PRKN: variants seen among roughly 807,000 people sequenced by gnomAD.
PRKN encodes parkin RBR E3 ubiquitin protein ligase, also known as E3 ubiquitin-protein ligase parkin.
In PRKN, 56 loss-of-function variants were observed where a neutral mutation model predicts 59.5. The ratio of observed to expected loss-of-function variants is 0.94; its 90% CI spans 0.76 to 1.18. The LOEUF is 1.18. PRKN is among the 50% of genes most tolerant of loss of function. The probability of loss-of-function intolerance (pLI) is 0.00; values close to 1 mark genes in which losing one functional copy is unlikely to be tolerated. For synonymous variants in PRKN, 250 were observed against 222.1 expected (o/e 1.13, Z -1.12); for missense variants, 657 against 596.4 (o/e 1.10, Z -1.06).
chr6:162,555,916 G>A (rs1308445817), intron 1 of PRKN, among the ~76,000 whole-genome samples: 1 of 151,212 alleles, frequency 6.6e-6, no homozygotes, highest in East Asian at 2.0e-4. Flanking sequence ...GCTTGAACCT[G>A]GGAGGTGGAG....
At chr6:162,402,486 C>T (rs1033846025) in intron 2 of PRKN, among the ~76,000 whole-genome samples, 1 of 151,866 alleles carries the variant, frequency 6.6e-6, no homozygotes, top group Admixed American at 6.6e-5. Context: ...CTTGAGGGCT[C>T]TTAGCTTAAT....
At chr6:162,495,879 C>T (rs1793044833) in intron 1 of PRKN, among the ~76,000 whole-genome samples, 1 of 152,166 alleles carries the variant, frequency 6.6e-6, no homozygotes, top group South Asian at 2.1e-4. Context: ...CAACTCCTGC[C>T]CCCTTTCCAT....
chr6:162,500,982 A>G (rs6942202), intron 1 of PRKN, among the ~76,000 whole-genome samples: 77,484 of 151,850 alleles, frequency 0.51, 19,831 homozygotes, highest in Middle Eastern at 0.58. Flanking sequence ...CTTGGGCAAT[A>G]TAGCCAGACC....
In PRKN at chr6:161,483,279, G is replaced by A. The variant is rs953927834; in HGVS notation, c.1083+65575C>T. On this transcript the variant is annotated intron_variant, in intron 9 of 11. Transcript: ENST00000366898. The surrounding 1 kb of genome is among the most constrained non-coding windows in gnomAD (Gnocchi z 5.0). ...TTTCATAGCTATGCATTAATTGACT[G>A]AATTGGCTTTGTATTTCAGGCCAAC... Among the ~76,000 whole-genome samples, 2 of 151,964 alleles carry A rather than the reference G, an allele frequency of 1.3e-5. No individual in the cohort carries two copies. The highest frequency in any genetic ancestry group is 6.6e-5 in the Admixed American group (1 of 15,256).
intron 7 of PRKN, among the ~76,000 whole-genome samples, chr6:161,652,610 T>C (rs1219903200): frequency 6.6e-6 from 1 of 152,246 alleles, no homozygotes; most frequent in African/African-American, 2.4e-5. Context: ...TTTGTTCTTA[T>C]TATTCTAAAA....
chr6:162,135,832 T>C (rs1189946036), intron 4 of PRKN, among the ~76,000 whole-genome samples: 1 of 152,146 alleles, frequency 6.6e-6, no homozygotes, highest in Non-Finnish European at 1.5e-5. Flanking sequence ...AGTAAGGGAC[T>C]CCTTGGGATT....
chr6:161,622,268 G>A (rs972165127), intron 7 of PRKN, among the ~76,000 whole-genome samples: 1 of 152,204 alleles, frequency 6.6e-6, no homozygotes, highest in African/African-American at 2.4e-5. Flanking sequence ...GCTTAGGGCT[G>A]TGTAGCCTCT....
At chr6:162,392,681 C>T (rs572346872) in intron 2 of PRKN, among the ~76,000 whole-genome samples, 35 of 152,286 alleles carry the variant, frequency 2.3e-4, no homozygotes, top group African/African-American at 8.4e-4. Context: ...GCCACTATTT[C>T]TAAGTCTTTA....
rs1790147980 is a variant in PRKN at position 161,460,365 on chromosome 6, C to G, written c.1084-73488G>C. 6.6e-6 allele frequency among the ~76,000 whole-genome samples: 1 copy of G among 152,138 alleles called. No individual in the cohort carries two copies. The highest frequency in any genetic ancestry group is 2.1e-4 in the South Asian group (1 of 4,820). On this transcript the variant is annotated intron_variant, in intron 9 of 11. Transcript: ENST00000366898. This position sits in a 1 kb window ranked among gnomAD's most constrained non-coding sequence, Gnocchi z 5.0. ...ATGGGCAAAGGAGGTGCCATACTCC[C>G]TCTGGATAGTCTCAGGCCCAAATAT...
Position 161,630,443 on chromosome 6 carries a change from A to G in PRKN, c.872-61027T>C, listed in dbSNP as rs573618966. Among the ~76,000 whole-genome samples, 4 of 152,340 alleles carry G rather than the reference A, an allele frequency of 2.6e-5. No homozygotes were observed. In the South Asian group the frequency reaches 8.3e-4, roughly 32 times the overall value. On this transcript the variant is annotated intron_variant, in intron 7 of 11. Coordinates refer to ENST00000366898, the MANE Select transcript of PRKN (RefSeq NM_004562.3). ...CATTGACATAGTTTATACTGTCATCATAATAGAATTTCAGAACTGAAATTA... is the reference window on the plus strand; with the variant it reads ...CATTGACATAGTTTATACTGTCATCGTAATAGAATTTCAGAACTGAAATTA...
intron 4 of PRKN, among the ~76,000 whole-genome samples, chr6:162,134,547 A>T (rs533607061): frequency 6.6e-6 from 1 of 152,176 alleles, no homozygotes; most frequent in Admixed American, 6.5e-5. Context: ...CTTCAAGGAC[A>T]TGGAATTTAT....
intron 1 of PRKN, among the ~76,000 whole-genome samples, chr6:162,682,062 G>T (rs1266319977): frequency 6.6e-6 from 1 of 151,610 alleles, no homozygotes; most frequent in Non-Finnish European, 1.5e-5. Context: ...CATATACATA[G>T]CCTTAAAATG....
intron 1 of PRKN, among the ~76,000 whole-genome samples, chr6:162,455,719 A>C (rs918772649): frequency 6.6e-6 from 1 of 151,612 alleles, no homozygotes; most frequent in Non-Finnish European, 1.5e-5. Context: ...AAAGGCGGTC[A>C]CTTTCCACAA....
In PRKN at chr6:161,350,958, ATT is replaced by A. The variant is rs1491448493; in HGVS notation, c.1286-749_1286-748del. Among the ~76,000 whole-genome samples, 357 of 64,232 alleles carry A rather than the reference ATT, an allele frequency of 5.6e-3. 80 individuals are homozygous for A. The highest frequency in any genetic ancestry group is 0.025 in the African/African-American group (341 of 13,762). The allele number at this position is 64,232 out of a possible 152,430, so 42.1% of individuals were successfully genotyped here. A position where few individuals can be genotyped will look rare whatever the true frequency, so the allele number is the denominator to read the frequency against. ...ATATAAATATATTTTATATATTTATATTTAAAATATATATAAATATATTTTAT... is the reference window on the plus strand; with the variant it reads ...ATATAAATATATTTTATATATTTATATAAAATATATATAAATATATTTTAT... On this transcript the variant is annotated intron_variant, in intron 11 of 11. Transcript: ENST00000366898.
At position 161,561,423 on chromosome 6, in the gene PRKN, T is replaced by G. The variant is rs1235057682; in HGVS notation, c.933+7932A>C. Among the ~76,000 whole-genome samples the G allele has an allele frequency of 1.3e-5, 2 of 152,224 alleles. No homozygotes were observed. Among genetic ancestry groups the G allele is most frequent in the Non-Finnish European group, 1.5e-5 (1 of 68,044 alleles). On this transcript the variant is annotated intron_variant, in intron 8 of 11. Coordinates refer to ENST00000366898, the MANE Select transcript of PRKN (RefSeq NM_004562.3). The surrounding 1 kb of genome is among the most constrained non-coding windows in gnomAD (Gnocchi z 5.0). ...AGAGGAATCATGGCTGATGTCCTGA[T>G]GTGCTCAACAGATGTTTCCTAAGCA...
chr6:161,897,544 A>G (rs1441863829), intron 6 of PRKN, among the ~76,000 whole-genome samples: 2 of 152,168 alleles, frequency 1.3e-5, no homozygotes, highest in Non-Finnish European at 2.9e-5. Context: ...CCAAAGCAAT[A>G]CAATTTCAAA....
intron 1 of PRKN, among the ~76,000 whole-genome samples, chr6:162,617,463 C>G (rs1163745830): frequency 6.6e-6 from 1 of 152,170 alleles, no homozygotes; most frequent in Non-Finnish European, 1.5e-5. Flanking sequence ...AACTCCCGAC[C>G]TCAAGTGATC....
intron 4 of PRKN, among the ~76,000 whole-genome samples, chr6:162,147,608 T>G (rs1428755532): frequency 6.6e-6 from 1 of 152,150 alleles, no homozygotes; most frequent in African/African-American, 2.4e-5. Flanking sequence ...ACCTTACAGA[T>G]TTATATTTTT....
chr6:162,552,588 G>A (rs1001299352), intron 1 of PRKN, among the ~76,000 whole-genome samples: 4 of 152,150 alleles, frequency 2.6e-5, no homozygotes, highest in African/African-American at 9.7e-5. Context: ...ATGAAAAAAA[G>A]CAAGAGTTTA....
Sources: allele counts gnomAD v4.1 joint callset (sites outside exome capture counted in the v4.1 genomes callset), GRCh38; gene constraint gnomAD v4.1.1; non-coding constraint Gnocchi (gnomAD v3.1); transcripts MANE v1.5; gene names NCBI Gene and HGNC (gene_info 2026-07-23, HGNC 2026-07-21).